The following ALK variants were observed in gnomAD, a reference collection of about 807,000 sequenced individuals.
The protein encoded by ALK is ALK receptor tyrosine kinase.
A neutral mutation model predicts 163.1 loss-of-function variants in ALK; 74 were observed. The observed-to-expected ratio is 0.45, with a 90% CI of 0.38 to 0.55. ALK has a LOEUF of 0.55. Among genes scored for constraint, ALK ranks in the 20% least tolerant of loss-of-function variants. The pLI is 0.00. For synonymous variants in ALK, 960 were observed against 843.2 expected, an observed-to-expected ratio of 1.14 and a Z score of -2.40; for missense variants, 2,063 against 2,105.3, an observed-to-expected ratio of 0.98 and a Z score of 0.39.
intron 4 of ALK, among the ~76,000 whole-genome samples, chr2:29,440,578 A>G (rs912493971): frequency 1.3e-5 from 2 of 152,114 alleles, no homozygotes; most frequent in African/African-American, 4.8e-5. Flanking sequence ...TGGCCTCCCA[A>G]AGTGCTGGGA....
At chr2:29,798,478 G>A (rs1336470992) in intron 1 of ALK, among the ~76,000 whole-genome samples, 3 of 152,214 alleles carry the variant, frequency 2.0e-5, no homozygotes, top group African/African-American at 7.2e-5. Flanking sequence ...GATTTGAAGA[G>A]ATTTTGTGCT....
rs1553351642 is a variant in ALK at position 29,717,189 on chromosome 2, A to AG, written c.787+388_787+389insC. ...TCTGTCTCAAAAAAAAAAAAAAAAA[A>AG]AGAGAGAGAGAGAGATTGTGATTGC... On this transcript the variant is annotated intron_variant, in intron 2 of 28. Transcript: ENST00000389048. 5.1e-3 allele frequency among the ~76,000 whole-genome samples: 735 copies of AG among 142,740 alleles called. 15 individuals are homozygous for AG. Among genetic ancestry groups the AG allele is most frequent in the African/African-American group, 0.019 (679 of 35,408 alleles). The allele number at this position is 142,740 out of a possible 152,430, so 93.6% of individuals were successfully genotyped here.
intron 5 of ALK, among the ~76,000 whole-genome samples, 170 bp downstream of exon 5, chr2:29,383,562 C>T (rs1026637314): frequency 1.7e-4 from 26 of 152,278 alleles, no homozygotes; most frequent in South Asian, 4.1e-4. Context: ...AGTGATCCAC[C>T]CGTCTCGGCC....
At chr2:29,514,088 G>T (rs1672593830) in intron 4 of ALK, among the ~76,000 whole-genome samples, 1 of 112,282 alleles carries the variant, frequency 8.9e-6, no homozygotes. Flanking sequence ...GGAAGTCAGT[G>T]TGGCGATTCC....
chr2:29,717,372 A>G (rs1308017330), intron 2 of ALK, among the ~76,000 whole-genome samples: 1 of 152,098 alleles, frequency 6.6e-6, no homozygotes, highest in Admixed American at 6.5e-5. Flanking sequence ...TCCCACCAGG[A>G]TACAGAATGC....
In ALK at chr2:29,901,262, A is replaced by G. The variant is rs572786338; in HGVS notation, c.667+18731T>C. ...GTCTGTAAAGTGCCTGGCATGTAAT[A>G]GATGTTCAATAAACTTCAGTGCCAC... On this transcript the variant is annotated intron_variant, in intron 1 of 28. Coordinates refer to ENST00000389048, the MANE Select transcript of ALK (RefSeq NM_004304.5). Among the ~76,000 whole-genome samples the G allele has an allele frequency of 2.3e-4, 35 of 152,336 alleles. No individual in the cohort carries two copies. The South Asian group carries it at 7.2e-3, about 32-fold the overall frequency.
intron 1 of ALK, among the ~76,000 whole-genome samples, chr2:29,854,249 T>C (rs865900678): frequency 6.6e-6 from 1 of 152,224 alleles, no homozygotes; most frequent in African/African-American, 2.4e-5. Context: ...GGCAATGATA[T>C]CATTTGGATG....
chr2:29,572,522 CT>C (rs972297569), intron 3 of ALK, among the ~76,000 whole-genome samples: 8 of 152,158 alleles, frequency 5.3e-5, no homozygotes, highest in Non-Finnish European at 2.9e-5. Flanking sequence ...GTATGCCCCC[CT>C]GACCTTGTGT....
chr2:29,920,099 G>A lies in ALK; in HGVS notation c.561C>T (p.Ile187=), dbSNP rs1410159912. 2 of 1,614,164 alleles carry A rather than the reference G, an allele frequency of 1.2e-6. No homozygotes were observed. Among genetic ancestry groups the A allele is most frequent in the Admixed American group, 1.7e-5 (1 of 60,028 alleles). The change falls in exon 1 of 29, where the codon ATC becomes ATT. Residue 187 remains isoleucine, a synonymous_variant. Transcript: ENST00000389048. ...ACGCCTTCTTCTCGGGCATCAGGCG[G>A]ATCCTCAGTCGCCCTTCGCCTTGGC... ...WIRQGEGRLR[I]RLMPEKKASE... is the part of the protein sequence containing the mutation.
intron 3 of ALK, among the ~76,000 whole-genome samples, chr2:29,600,939 G>A (rs1675365122): frequency 6.6e-6 from 1 of 152,182 alleles, no homozygotes; most frequent in South Asian, 2.1e-4. Context: ...AGCTCAGAGG[G>A]ACACCCACCT....
Position 29,425,156 on chromosome 2 carries a change from T to C in ALK, c.1155-41297A>G, listed in dbSNP as rs1313131150. ...CTTTGGAAATTGTCCCAAGGGAATA[T>C]AGCAAATGAAAAAAAATTAAGAGAA... On this transcript the variant is annotated intron_variant, in intron 4 of 28. Transcript: ENST00000389048. Among the ~76,000 whole-genome samples, 5 of 152,116 alleles carry C rather than the reference T, an allele frequency of 3.3e-5. No individual in the cohort carries two copies. In the East Asian group the frequency reaches 9.6e-4, roughly 29 times the overall value.
At chr2:29,811,841 A>G in intron 1 of ALK, among the ~76,000 whole-genome samples, 1 of 152,136 alleles carries the variant, frequency 6.6e-6, no homozygotes, top group Non-Finnish European at 1.5e-5. Context: ...ATGCATTGGT[A>G]TCTGTCTACG....
At position 29,564,511 on chromosome 2, in the gene ALK, T is replaced by C. The variant is rs927117173; in HGVS notation, c.953-32395A>G. On this transcript the variant is annotated intron_variant, in intron 3 of 28. Transcript: ENST00000389048. ...TTTGAGACCTTGTGGCAAAACGCCA[T>C]CTCCTAGAAGATTTCCTGTCGCTAC... is the stretch of plus-strand genomic sequence containing the variant. 4.0e-5 allele frequency among the ~76,000 whole-genome samples: 6 copies of C among 150,356 alleles called. No homozygotes were observed. In the South Asian group the frequency reaches 1.1e-3, roughly 27 times the overall value.
intron 8 of ALK, among the ~76,000 whole-genome samples, chr2:29,298,751 T>G (rs1409443427): frequency 1.3e-5 from 2 of 152,194 alleles, no homozygotes; most frequent in Admixed American, 6.5e-5. Flanking sequence ...CTCTTTTTTG[T>G]GGGCCCAGTG....
At chr2:29,721,668 T>C (rs1457984683) in intron 1 of ALK, among the ~76,000 whole-genome samples, 1 of 152,244 alleles carries the variant, frequency 6.6e-6, no homozygotes, top group African/African-American at 2.4e-5. Flanking sequence ...TCTTAAACAG[T>C]GCCAGCCTCT....
At chr2:29,271,635 T>C (rs1665388507) in intron 11 of ALK, among the ~76,000 whole-genome samples, 1 of 152,226 alleles carries the variant, frequency 6.6e-6, no homozygotes, top group Non-Finnish European at 1.5e-5. Context: ...ATCTGCAGAC[T>C]TGCCCCGATG....
intron 4 of ALK, among the ~76,000 whole-genome samples, chr2:29,443,696 C>G (rs866416040): frequency 2.0e-5 from 3 of 152,328 alleles, no homozygotes; most frequent in Middle Eastern, 3.4e-3. Context: ...CACTGGCTCA[C>G]TCACCCTTTC....
intron 4 of ALK, among the ~76,000 whole-genome samples, chr2:29,400,802 C>T (rs1669426124): frequency 6.6e-6 from 1 of 152,060 alleles, no homozygotes; most frequent in African/African-American, 2.4e-5. Flanking sequence ...TGGAGAAACC[C>T]TGTCTCTACT....
rs74204436 is a variant in ALK, at chr2:29,709,715, G to A, written c.787+7863C>T. Reference sequence around the variant, plus strand: ...CTGTTCTAATTTGGGGTTATAGTGCGGTCACCAGCTGCTGGTTGTGAATAC... The same window carrying A: ...CTGTTCTAATTTGGGGTTATAGTGCAGTCACCAGCTGCTGGTTGTGAATAC... On this transcript the variant is annotated intron_variant, in intron 2 of 28. Coordinates refer to ENST00000389048, the MANE Select transcript of ALK (RefSeq NM_004304.5). Among the ~76,000 whole-genome samples the A allele has an allele frequency of 8.0e-3, 1,211 of 152,218 alleles. 18 individuals are homozygous for A. Among genetic ancestry groups the A allele is most frequent in the African/African-American group, 0.017 (720 of 41,524 alleles).
Sources: allele counts gnomAD v4.1 joint callset (sites outside exome capture counted in the v4.1 genomes callset), GRCh38; gene constraint gnomAD v4.1.1; transcripts MANE v1.5; gene names NCBI Gene and HGNC (gene_info 2026-07-23, HGNC 2026-07-21).